KIR3DL1: variants seen among roughly 807,000 people sequenced by gnomAD.
KIR3DL1 encodes the protein killer cell immunoglobulin-like receptor 3DL1.
In KIR3DL1, 50 loss-of-function variants were observed where a neutral mutation model predicts 40.3. The observed-to-expected ratio is 1.24, with a 90% CI of 0.99 to 1.57. KIR3DL1 has a LOEUF of 1.57. Ranked by LOEUF, KIR3DL1 falls within the 40% of genes most tolerant of loss-of-function variation. KIR3DL1 has a pLI of 0.00. For missense variants in KIR3DL1, 661 were observed against 559.9 expected (o/e 1.18, Z -1.82); for synonymous variants, 257 against 207.2 (o/e 1.24, Z -2.07).
At chr19:54,821,140 G>T (rs1292078896) in intron 4 of KIR3DL1, among the ~76,000 whole-genome samples, 4 of 149,782 alleles carry the variant, frequency 2.7e-5, no homozygotes, top group Non-Finnish European at 4.4e-5. Flanking sequence ...TGGATAGATA[G>T]ACAGACAGAC....
chr19:54,828,686 G>C (rs1345879306), intron 6 of KIR3DL1, among the ~76,000 whole-genome samples: 1 of 149,436 alleles, frequency 6.7e-6, no homozygotes, highest in Non-Finnish European at 1.5e-5. Context: ...GACAGCCCAG[G>C]CTGTTCTGGG....
intron 5 of KIR3DL1, among the ~76,000 whole-genome samples, chr19:54,822,617 G>C (rs1349074876): frequency 6.6e-6 from 1 of 150,780 alleles, no homozygotes; most frequent in Admixed American, 6.6e-5. Flanking sequence ...GACAGAGAGA[G>C]ACTCTGTTTC....
At chr19:54,822,602 T>C (rs2148126599) in intron 5 of KIR3DL1, among the ~76,000 whole-genome samples, 1 of 150,914 alleles carries the variant, frequency 6.6e-6, no homozygotes. Context: ...CACTGCAGCC[T>C]GGGAGACAGA....
intron 4 of KIR3DL1, 28 bp downstream of exon 4, chr19:54,820,040 T>C: frequency 5.6e-6 from 9 of 1,599,484 alleles, no homozygotes; most frequent in Non-Finnish European, 6.8e-6. Flanking sequence ...TTGTTCTCAT[T>C]GTCACTGGGA....
rs779002817 is a variant in KIR3DL1, at chr19:54,817,557, G to A, written c.58G>A (p.Gly20Ser). The A allele has an allele frequency of 3.5e-5, 53 of 1,510,724 alleles. 3 individuals carry two copies. The highest frequency in any genetic ancestry group is 1.8e-4 in the Middle Eastern group (1 of 5,694). The allele number at this position is 1,510,724 out of a possible 1,614,324, so 93.6% of individuals were successfully genotyped here. A position where few individuals can be genotyped will look rare whatever the true frequency, so the allele number is the denominator to read the frequency against. ...AGGGTTGTTCTTGGTCCAGAGGGCC[G>A]GTCCACACATGGGTGAGTCCTTCCC... The change falls in exon 2 of 9, where the codon GGT (glycine) becomes AGT (serine). Residue 20 changes from glycine to serine, a missense_variant. Gly to Ser is a moderately conservative substitution (Grantham distance 56). Around this residue, in one of 3 missense-constraint regions of KIR3DL1, gnomAD observed 548 missense variants for 413.3 expected, o/e 1.33. Coordinates refer to ENST00000391728, the Ensembl canonical transcript of KIR3DL1.
At chr19:54,817,511 T>C in intron 1 of KIR3DL1, 23 bp from the exon 2 acceptor site, 11 of 1,491,422 alleles carry the variant, frequency 7.4e-6, no homozygotes, top group Non-Finnish European at 1.0e-5. Flanking sequence ...AGAGGGATGG[T>C]CCATCATGAT....
At chr19:54,827,009 C>T (rs2061933320) in intron 6 of KIR3DL1, among the ~76,000 whole-genome samples, 8 of 151,762 alleles carry the variant, frequency 5.3e-5, no homozygotes, top group Admixed American at 6.5e-5. Context: ...ATAAGGGAGG[C>T]CCAGGTGCGT....
At chr19:54,829,618 C>T (rs1183030342) in intron 7 of KIR3DL1, among the ~76,000 whole-genome samples, 153 bp downstream of exon 7, 2 of 143,020 alleles carry the variant, frequency 1.4e-5, no homozygotes, top group Middle Eastern at 3.5e-3. Flanking sequence ...ACCAGACTCC[C>T]TGCCCCTGCC....
chr19:54,825,094 C>T lies in KIR3DL1; in HGVS notation c.1000+16C>T. On this transcript the variant is annotated intron_variant, in intron 6 of 8. Coordinates refer to ENST00000391728, the Ensembl canonical transcript of KIR3DL1. Reference sequence around the variant, plus strand: ...TCCAAATCTGGTGAGTAAAGGACCCCTCTTATCTCTGCTTTTGGAAACCTG... The same window carrying T: ...TCCAAATCTGGTGAGTAAAGGACCCTTCTTATCTCTGCTTTTGGAAACCTG... 8.1e-6 allele frequency: 12 copies of T among 1,482,802 alleles called. No homozygotes were observed. Among genetic ancestry groups the T allele is most frequent in the South Asian group, 4.5e-5 (4 of 88,558 alleles). The allele number at this position is 1,482,802 out of a possible 1,614,324, so 91.9% of individuals were successfully genotyped here. A position where few individuals can be genotyped will look rare whatever the true frequency, so the allele number is the denominator to read the frequency against.
At chr19:54,819,560 C>T (rs1329344556) in intron 3 of KIR3DL1, among the ~76,000 whole-genome samples, 153 bp from the exon 4 acceptor site, 4 of 151,228 alleles carry the variant, frequency 2.6e-5, no homozygotes, top group African/African-American at 9.8e-5. Flanking sequence ...GATGGAGGCA[C>T]CTGCACCAGG....
chr19:54,828,726 T>C (rs934478200), intron 6 of KIR3DL1, among the ~76,000 whole-genome samples: 2 of 148,172 alleles, frequency 1.3e-5, no homozygotes, highest in African/African-American at 5.0e-5. Flanking sequence ...GACTTTGCTG[T>C]CTTAGTCCAT....
chr19:54,826,409 G>A (rs1055090802), intron 6 of KIR3DL1, among the ~76,000 whole-genome samples: 8 of 148,488 alleles, frequency 5.4e-5, no homozygotes, highest in African/African-American at 1.5e-4. Flanking sequence ...GCGTCTCCTG[G>A]ATCCAAGTGA....
In KIR3DL1 at chr19:54,818,672, T is replaced by A. The variant is rs371408862; in HGVS notation, c.355+73T>A. ...CCAGAGCTTCTGGTGGGGGTGTCCGTCAGGGTCCCATCACCCAGGCCCTGA... is the reference window on the plus strand; with the variant it reads ...CCAGAGCTTCTGGTGGGGGTGTCCGACAGGGTCCCATCACCCAGGCCCTGA... On this transcript the variant is annotated intron_variant, in intron 3 of 8. Coordinates refer to ENST00000391728, the Ensembl canonical transcript of KIR3DL1. 8 of 1,545,776 alleles carry A rather than the reference T, an allele frequency of 5.2e-6. No homozygotes were observed. In the East Asian group the frequency reaches 9.0e-5, roughly 17 times the overall value.
At chr19:54,825,961 G>T (rs1355410675) in intron 6 of KIR3DL1, among the ~76,000 whole-genome samples, 1 of 151,032 alleles carries the variant, frequency 6.6e-6, no homozygotes, top group Non-Finnish European at 1.5e-5. Context: ...GAAAACTTGG[G>T]GATTCTATTG....
chr19:54,824,334 T>C (rs535537094), intron 5 of KIR3DL1, among the ~76,000 whole-genome samples: 2 of 151,378 alleles, frequency 1.3e-5, no homozygotes, highest in East Asian at 3.9e-4. Context: ...CACCATTTAT[T>C]GAAAAGACTG....
chr19:54,825,620 G>A (rs1389061582), intron 6 of KIR3DL1, among the ~76,000 whole-genome samples: 4 of 149,990 alleles, frequency 2.7e-5, no homozygotes, highest in Admixed American at 2.6e-4. Context: ...CTTTCCTATT[G>A]TTGCCATAAC....
At chr19:54,819,638 C>T (rs2061529055) in intron 3 of KIR3DL1, 75 bp from the exon 4 acceptor site, 2 of 1,508,246 alleles carry the variant, frequency 1.3e-6, no homozygotes, top group African/African-American at 1.4e-5. Context: ...GGGAGGGGAA[C>T]CCTCACTCAT....
At chr19:54,816,570 G>A in intron 1 of KIR3DL1, 36 bp downstream of exon 1, 2 of 1,607,712 alleles carry the variant, frequency 1.2e-6, no homozygotes, top group East Asian at 2.2e-5. Context: ...AGGGAGTGCG[G>A]GGATGGAGAT....
chr19:54,817,570 G>T lies in KIR3DL1; in HGVS notation c.70+1G>T. ...GTCCAGAGGGCCGGTCCACACATGG[G>T]TGAGTCCTTCCCCAAACCTTAGGGT... On this transcript the variant is annotated splice_donor_variant, in intron 2 of 8. Coordinates refer to ENST00000391728, the Ensembl canonical transcript of KIR3DL1. LOFTEE classifies it high-confidence loss of function. 1.3e-6 allele frequency: 2 copies of T among 1,508,492 alleles called. 1 individual carries two copies. Among genetic ancestry groups the T allele is most frequent in the South Asian group, 2.3e-5 (2 of 86,568 alleles). 93.4% of individuals were successfully genotyped at this position (1,508,492 alleles called of 1,614,324 possible).
Sources: gnomAD v4.1 joint callset for allele counts (sites outside exome capture counted in the v4.1 genomes callset) on GRCh38, gnomAD v4.1.1 for gene constraint, gnomAD v4.1.1 regional missense constraint, MANE v1.5 for transcripts, NCBI Gene and HGNC (gene_info 2026-07-23, HGNC 2026-07-21) for gene names.